NDUFAF4: variants seen among roughly 807,000 people sequenced by gnomAD.
The protein encoded by NDUFAF4 is NADH:ubiquinone oxidoreductase complex assembly factor 4, also known as NADH dehydrogenase [ubiquinone] 1 alpha subcomplex assembly factor 4.
NDUFAF4 carries 10 observed loss-of-function variants against 15.6 expected under a neutral mutation model. The observed-to-expected ratio is 0.64, with a 90% CI of 0.40 to 1.09. NDUFAF4 has a LOEUF of 1.09. Among genes scored for constraint, NDUFAF4 ranks in the 50% least tolerant of loss-of-function variants. The pLI is 0.01. For missense variants in NDUFAF4, 203 were observed against 207.3 expected (o/e 0.98, Z 0.13); for synonymous variants, 77 against 73.3 (o/e 1.05, Z -0.26).
At chr6:96,892,734 T>C (rs1374543300) in intron 2 of NDUFAF4, among the ~76,000 whole-genome samples, 1 of 152,102 alleles carries the variant, frequency 6.6e-6, no homozygotes, top group African/African-American at 2.4e-5. Context: ...AGTGGGTCCT[T>C]CGGGGTTTTA....
chr6:96,891,336 T>C lies in NDUFAF4; in HGVS notation c.296A>G (p.His99Arg). ...CTTAATATTTATCATATCAAAATGA[T>C]GGTCTTTCGGCAATCTGAATTCCTT... ...EPKEFRLPKD[H>R]HFDMINIKSI... is the part of the protein sequence containing the mutation. Residue 99 changes from histidine (H) to arginine (R), a missense_variant, in exon 3 of 3, where the codon CAT (histidine) becomes CGT (arginine). By Grantham distance (29) the His-to-Arg change is conservative. Coordinates refer to ENST00000316149, the MANE Select transcript of NDUFAF4 (RefSeq NM_014165.4). The C allele has an allele frequency of 6.2e-7, 1 of 1,613,686 alleles. No homozygotes were observed. Among genetic ancestry groups the C allele is most frequent in the Non-Finnish European group, 8.5e-7 (1 of 1,179,832 alleles).
rs893930746 is a variant in NDUFAF4, at chr6:96,890,567, G to T, written c.*537C>A. The T allele has an allele frequency of 3.3e-5, 5 of 152,848 alleles. No homozygotes were observed. Among genetic ancestry groups the T allele is most frequent in the Non-Finnish European group, 7.3e-5 (5 of 68,678 alleles). The allele number at this position is 152,848 out of a possible 1,614,324, so 9.5% of individuals were successfully genotyped here. A position where few individuals can be genotyped will look rare whatever the true frequency, so the allele number is the denominator to read the frequency against. On this transcript the variant is annotated 3_prime_UTR_variant, in exon 3 of 3. Coordinates refer to ENST00000316149, the MANE Select transcript of NDUFAF4 (RefSeq NM_014165.4). ...AATCCTCAATACTTCTTATTCCCTGGAGTAGTAATTTTAATTAGATTCTAT... is the reference window on the plus strand; with the variant it reads ...AATCCTCAATACTTCTTATTCCCTGTAGTAGTAATTTTAATTAGATTCTAT...
Position 96,891,000 on chromosome 6 carries a change from G to A in NDUFAF4, c.*104C>T, listed in dbSNP as rs1321617387. The A allele has an allele frequency of 2.7e-5, 29 of 1,055,096 alleles. No homozygotes were observed. The South Asian group carries it at 3.9e-4, about 14-fold the overall frequency. 65.4% of individuals were successfully genotyped at this position (1,055,096 alleles called of 1,614,324 possible). The stretch of plus-strand genomic sequence containing the variant: ...TATTAAGAGTATGCCCTCACAATGA[G>A]AGCATTAAATATTTGGTAATTAACA... On this transcript the variant is annotated 3_prime_UTR_variant, in exon 3 of 3. Transcript: ENST00000316149.
chr6:96,897,107 T>C (rs935377044), intron 1 of NDUFAF4, among the ~76,000 whole-genome samples: 1 of 152,106 alleles, frequency 6.6e-6, no homozygotes, highest in Non-Finnish European at 1.5e-5. Context: ...GCATTGTTTG[T>C]AGAGACGGGG....
intron 2 of NDUFAF4, among the ~76,000 whole-genome samples, chr6:96,894,587 T>C (rs970097632): frequency 2.6e-5 from 4 of 152,304 alleles, no homozygotes; most frequent in South Asian, 4.1e-4. Context: ...TATATATTTA[T>C]AGGAAAAAGC....
intron 2 of NDUFAF4, 42 bp downstream of exon 2, chr6:96,896,702 A>T (rs775751144): frequency 6.8e-7 from 1 of 1,475,382 alleles, no homozygotes; most frequent in Admixed American, 1.7e-5. Context: ...GAAGCCCCAA[A>T]ATAAGTAAAT....
intron 2 of NDUFAF4, among the ~76,000 whole-genome samples, chr6:96,893,144 A>C (rs1245317662): frequency 6.6e-6 from 1 of 152,062 alleles, no homozygotes; most frequent in Non-Finnish European, 1.5e-5. Context: ...TCCTGTTGAC[A>C]CTGCATCATA....
rs571110149 is a variant in NDUFAF4 at position 96,895,213 on chromosome 6, A to G, written c.240+1531T>C. 2.0e-5 allele frequency among the ~76,000 whole-genome samples: 3 copies of G among 152,332 alleles called. No individual in the cohort carries two copies. In the South Asian group the frequency reaches 6.2e-4, roughly 32 times the overall value. On this transcript the variant is annotated intron_variant, in intron 2 of 2. Transcript: ENST00000316149. ...GATTTTAATATAAAATGTAGTTATA[A>G]AACTACTGGAAGAAAATACAGAAGA...
chr6:96,896,083 C>T (rs9386930), intron 2 of NDUFAF4: 34,446 of 153,120 alleles, frequency 0.22, 4,516 homozygotes, highest in East Asian at 0.37. Context: ...AGTGCACGTA[C>T]TTTTCCCATA....
rs886061830 is a variant in NDUFAF4 at position 96,897,825 on chromosome 6, G to C, written c.-24C>G. 3.1e-6 allele frequency: 5 copies of C among 1,613,924 alleles called. No individual in the cohort carries two copies. Among genetic ancestry groups the C allele is most frequent in the South Asian group, 1.1e-5 (1 of 91,080 alleles). On this transcript the variant is annotated 5_prime_UTR_variant, in exon 1 of 3. Transcript: ENST00000316149. ...ATCTCCTCATAACATTATGCGCTCA[G>C]GTTCAGGCCGCACGTGGGAACACCG...
intron 2 of NDUFAF4, among the ~76,000 whole-genome samples, chr6:96,894,108 G>A (rs1775344416): frequency 6.6e-6 from 1 of 152,156 alleles, no homozygotes; most frequent in East Asian, 1.9e-4. Flanking sequence ...GTCAACTACA[G>A]ACCAAAAATA....
In NDUFAF4 at chr6:96,897,569, G is replaced by GACGCCGAA; in HGVS notation, c.136+96_136+97insTTCGGCGT. 2.6e-6 allele frequency: 4 copies of GACGCCGAA among 1,544,834 alleles called. No homozygotes were observed. In the South Asian group the frequency reaches 4.6e-5, roughly 18 times the overall value. ...CCGAGCGGCTGCGGCCGAGCAGGCT[G>GACGCCGAA]ACGCCGATCCCTCGGCCTCCGGACC... On this transcript the variant is annotated intron_variant, in intron 1 of 2. Coordinates refer to ENST00000316149, the MANE Select transcript of NDUFAF4 (RefSeq NM_014165.4).
At position 96,896,725 on chromosome 6, in the gene NDUFAF4, T is replaced by C. The variant is rs1468408464; in HGVS notation, c.240+19A>G. On this transcript the variant is annotated intron_variant, in intron 2 of 2. Coordinates refer to ENST00000316149, the MANE Select transcript of NDUFAF4 (RefSeq NM_014165.4). The stretch of plus-strand genomic sequence containing the variant: ...AAAATAAGTAAATTGTGTATTCACT[T>C]AATTAAACACACATTTACCTGCAAG... The C allele has an allele frequency of 6.4e-7, 1 of 1,568,184 alleles. No homozygotes were observed. The highest frequency in any genetic ancestry group is 8.8e-7 in the Non-Finnish European group (1 of 1,140,350).
chr6:96,893,051 A>G (rs563839308), intron 2 of NDUFAF4, among the ~76,000 whole-genome samples: 1 of 152,246 alleles, frequency 6.6e-6, no homozygotes, highest in South Asian at 2.1e-4. Flanking sequence ...TTCAATGACC[A>G]ACACTACCTA....
Position 96,897,711 on chromosome 6 carries a change from G to C in NDUFAF4, c.91C>G (p.Pro31Ala), listed in dbSNP as rs758930066. 3.7e-6 allele frequency: 6 copies of C among 1,614,068 alleles called. No homozygotes were observed. Among genetic ancestry groups the C allele is most frequent in the Non-Finnish European group, 5.1e-6 (6 of 1,180,012 alleles). The change falls in exon 1 of 3, where the codon CCC becomes GCC. Residue 31 changes from proline (P) to alanine (A), a missense_variant. By Grantham distance (27) the Pro-to-Ala change is conservative (BLOSUM62 -1). Transcript: ENST00000316149. The part of the protein sequence containing the change: ...EISKMKPSVA[P>A]RHPSTNSLLR... ...AGGCTGTTGGTAGAGGGGTGTCTGG[G>C]AGCGACAGAGGGCTTCATCTTGCTG...
At position 96,896,365 on chromosome 6, in the gene NDUFAF4, C is replaced by T. The variant is rs149529953; in HGVS notation, c.240+379G>A. ...CAACAACACCACTTACTAAAGGAGTCTCTGAGATTAGAACATACCTCAATC... is the reference window on the plus strand; with the variant it reads ...CAACAACACCACTTACTAAAGGAGTTTCTGAGATTAGAACATACCTCAATC... On this transcript the variant is annotated intron_variant, in intron 2 of 2. Coordinates refer to ENST00000316149, the MANE Select transcript of NDUFAF4 (RefSeq NM_014165.4). Among the ~76,000 whole-genome samples, 410 of 152,262 alleles carry T rather than the reference C, an allele frequency of 2.7e-3. 2 individuals are homozygous for T. Among genetic ancestry groups the T allele is most frequent in the African/African-American group, 9.6e-3 (399 of 41,542 alleles).
At chr6:96,891,618 G>A (rs543050214) in intron 2 of NDUFAF4, among the ~76,000 whole-genome samples, 4 of 151,878 alleles carry the variant, frequency 2.6e-5, no homozygotes, top group Non-Finnish European at 4.4e-5. Flanking sequence ...TGCTATTCTC[G>A]TGATAGAGTT....
chr6:96,889,339 T>G lies in NDUFAF4; in HGVS notation c.*1765A>C, dbSNP rs1775283889. 6.6e-6 allele frequency: 1 copy of G among 152,148 alleles called. No homozygotes were observed. Among genetic ancestry groups the G allele is most frequent in the Non-Finnish European group, 1.5e-5 (1 of 68,022 alleles). The allele number at this position is 152,148 out of a possible 1,614,324, so 9.4% of individuals were successfully genotyped here. A position where few individuals can be genotyped will look rare whatever the true frequency, so the allele number is the denominator to read the frequency against. Reference sequence around the variant, plus strand: ...ATGGTATGGGAAGAAGTTCTTTATTTTATCATGTGACACCACATAACAGAT... The same window carrying G: ...ATGGTATGGGAAGAAGTTCTTTATTGTATCATGTGACACCACATAACAGAT... On this transcript the variant is annotated 3_prime_UTR_variant, in exon 3 of 3. Coordinates refer to ENST00000316149, the MANE Select transcript of NDUFAF4 (RefSeq NM_014165.4).
At chr6:96,896,475 A>T (rs1485219024) in intron 2 of NDUFAF4, among the ~76,000 whole-genome samples, 1 of 152,216 alleles carries the variant, frequency 6.6e-6, no homozygotes, top group Non-Finnish European at 1.5e-5. Context: ...ACCAAATCCT[A>T]CAAATTCTGA....
Sources: allele counts gnomAD v4.1 joint callset (sites outside exome capture counted in the v4.1 genomes callset), GRCh38; gene constraint gnomAD v4.1.1; transcripts MANE v1.5; gene names NCBI Gene and HGNC (gene_info 2026-07-23, HGNC 2026-07-21).